Variants in RBFOX1 observed in about 807,000 individuals in gnomAD.
RBFOX1 encodes RNA binding fox-1 homolog 1, also known as RNA binding protein fox-1 homolog 1.
In RBFOX1, 8 loss-of-function variants were observed where a neutral mutation model predicts 57.7. That is an observed-to-expected ratio of 0.14 (90% confidence interval 0.08 to 0.25). The LOEUF (loss-of-function observed/expected upper bound fraction) is 0.25, where lower values mean the gene tolerates loss of function less well. Ranked by LOEUF, RBFOX1 falls within the 10% of genes least tolerant of loss-of-function variation. RBFOX1 has a pLI of 1.00. For missense variants in RBFOX1, 611 were observed against 548.5 expected, an observed-to-expected ratio of 1.11 and a Z score of -1.14; for synonymous variants, 326 against 222.4, an observed-to-expected ratio of 1.47 and a Z score of -4.15.
intron 5 of RBFOX1, among the ~76,000 whole-genome samples, chr16:7,525,618 C>A (rs549356913): frequency 6.6e-6 from 1 of 152,254 alleles, no homozygotes; most frequent in African/African-American, 2.4e-5. Flanking sequence ...CCTGCGGACT[C>A]TGTGTGTTTG....
At chr16:6,225,768 C>A (rs2097412287) in intron 1 of RBFOX1, among the ~76,000 whole-genome samples, 1 of 152,158 alleles carries the variant, frequency 6.6e-6, no homozygotes, top group Non-Finnish European at 1.5e-5. Context: ...CAAAATGGAT[C>A]ATGTCAGAAA....
intron 3 of RBFOX1, among the ~76,000 whole-genome samples, chr16:5,812,486 TCTCA>T (rs1216227727): frequency 7.0e-6 from 1 of 142,906 alleles, no homozygotes; most frequent in African/African-American, 2.7e-5. Flanking sequence ...AGAGTTGGGG[TCTCA>T]CTCTATCACT....
At chr16:5,610,853 G>C (rs1224421553) in intron 3 of RBFOX1, among the ~76,000 whole-genome samples, 1 of 152,088 alleles carries the variant, frequency 6.6e-6, no homozygotes, top group Non-Finnish European at 1.5e-5. Context: ...GGGTGACAGA[G>C]CAAGACCCTA....
At chr16:6,140,100 G>A (rs1331076631) in intron 1 of RBFOX1, among the ~76,000 whole-genome samples, 1 of 152,030 alleles carries the variant, frequency 6.6e-6, no homozygotes, top group Non-Finnish European at 1.5e-5. Flanking sequence ...CTGCAGAAGA[G>A]AATCAAGTCT....
At chr16:6,103,240 C>T (rs577643175) in intron 1 of RBFOX1, among the ~76,000 whole-genome samples, 1 of 152,244 alleles carries the variant, frequency 6.6e-6, no homozygotes, top group East Asian at 1.9e-4. Flanking sequence ...TTAATTCTGT[C>T]TCTGACAGTT....
chr16:6,234,107 C>T (rs4786843), intron 1 of RBFOX1, among the ~76,000 whole-genome samples: 58,816 of 152,014 alleles, frequency 0.39, 12,097 homozygotes, highest in Middle Eastern at 0.54. Context: ...TCATCCCACT[C>T]ATGAGGGGAG....
intron 1 of RBFOX1, among the ~76,000 whole-genome samples, chr16:5,329,860 G>A (rs540546655): frequency 6.6e-6 from 1 of 152,274 alleles, no homozygotes; most frequent in African/African-American, 2.4e-5. Context: ...ATATTAGCCA[G>A]GTGTGATGGC....
At chr16:5,267,954 A>G (rs1171180643) in intron 1 of RBFOX1, among the ~76,000 whole-genome samples, 1 of 152,088 alleles carries the variant, frequency 6.6e-6, no homozygotes, top group Non-Finnish European at 1.5e-5. Context: ...TGGCACACAC[A>G]TGTAGTCCCA....
intron 4 of RBFOX1, among the ~76,000 whole-genome samples, chr16:7,323,208 G>A (rs1385700691): frequency 6.6e-6 from 1 of 152,168 alleles, no homozygotes; most frequent in Non-Finnish European, 1.5e-5. Flanking sequence ...AGGATCACTT[G>A]ATCCCAGGAG....
intron 3 of RBFOX1, among the ~76,000 whole-genome samples, chr16:6,766,242 C>T (rs764258792): frequency 6.6e-6 from 1 of 152,084 alleles, no homozygotes; most frequent in Admixed American, 6.6e-5. Flanking sequence ...ACTTTCCTCT[C>T]CTTGTCATTG....
intron 3 of RBFOX1, among the ~76,000 whole-genome samples, chr16:6,707,583 T>C (rs1218527168): frequency 6.7e-6 from 1 of 149,636 alleles, no homozygotes; most frequent in Non-Finnish European, 1.5e-5. Context: ...CCAAGAAGGA[T>C]TGACAGTCAA....
At chr16:6,207,903 T>A (rs568425363) in intron 1 of RBFOX1, among the ~76,000 whole-genome samples, 1 of 152,250 alleles carries the variant, frequency 6.6e-6, no homozygotes, top group South Asian at 2.1e-4. Flanking sequence ...GGCTGAGTGA[T>A]GAAATTTTAA....
chr16:7,006,459 GT>G (rs1186097718), intron 3 of RBFOX1, among the ~76,000 whole-genome samples: 2 of 152,098 alleles, frequency 1.3e-5, no homozygotes. Flanking sequence ...GGCCAAACAA[GT>G]TTTTTTATGT....
At chr16:5,361,642 A>G (rs1039803571) in intron 1 of RBFOX1, among the ~76,000 whole-genome samples, 22 of 152,248 alleles carry the variant, frequency 1.4e-4, no homozygotes, top group African/African-American at 5.1e-4. Context: ...TTGCAAGCCC[A>G]TAAAGCTGGC....
chr16:7,372,245 C>T (rs547155894), intron 4 of RBFOX1, among the ~76,000 whole-genome samples: 6 of 152,102 alleles, frequency 3.9e-5, no homozygotes, highest in African/African-American at 1.2e-4. Flanking sequence ...CTGGAGTTCA[C>T]GTAAGGATGA....
At chr16:6,919,738 C>A (rs1434647200) in intron 3 of RBFOX1, among the ~76,000 whole-genome samples, 6 of 149,406 alleles carry the variant, frequency 4.0e-5, no homozygotes, top group African/African-American at 1.5e-4. Context: ...GAAAAATTTC[C>A]AGGAGGCTGA....
chr16:7,019,002 A>C (rs187752104), intron 3 of RBFOX1, among the ~76,000 whole-genome samples: 4 of 152,186 alleles, frequency 2.6e-5, no homozygotes, highest in South Asian at 4.2e-4. Flanking sequence ...AAGAAGAAGC[A>C]AAAAGAAAGC....
At chr16:6,501,496 T>C (rs548126783) in intron 2 of RBFOX1, among the ~76,000 whole-genome samples, 2 of 152,202 alleles carry the variant, frequency 1.3e-5, no homozygotes, top group East Asian at 1.9e-4. Flanking sequence ...TGCATAGTAC[T>C]CCATGGTGTA....
intron 3 of RBFOX1, among the ~76,000 whole-genome samples, chr16:5,796,038 A>G (rs2054867556): frequency 1.3e-5 from 2 of 152,162 alleles, no homozygotes; most frequent in South Asian, 4.1e-4. Flanking sequence ...TTTCCATAGC[A>G]GTTGAATCTA....
Sources: allele counts gnomAD v4.1 joint callset (sites outside exome capture counted in the v4.1 genomes callset), GRCh38; gene constraint gnomAD v4.1.1; transcripts MANE v1.5; gene names NCBI Gene and HGNC (gene_info 2026-07-23, HGNC 2026-07-21).